The following PEAK1 variants were observed in gnomAD, a reference collection of about 807,000 sequenced individuals.
PEAK1 encodes inactive tyrosine-protein kinase PEAK1.
In PEAK1, 54 loss-of-function variants were observed where a neutral mutation model predicts 124.7. The observed-to-expected ratio is 0.43, with a 90% CI of 0.35 to 0.54. The LOEUF (loss-of-function observed/expected upper bound fraction) is 0.54. Among genes scored for constraint, PEAK1 ranks in the 20% least tolerant of loss-of-function variants. The pLI is 0.01. For missense variants in PEAK1, 2,046 were observed against 2,134.5 expected (o/e 0.96, Z 0.82); for synonymous variants, 719 against 760.0 (o/e 0.95, Z 0.89).
intron 6 of PEAK1, among the ~76,000 whole-genome samples, chr15:77,225,666 T>TATATATATATATATATA (rs1555448933): frequency 1.0e-4 from 9 of 87,980 alleles, no homozygotes; most frequent in Admixed American, 4.0e-4. Context: ...TGTGTATAAT[T>TATATATATATATATATA]TATATATATA....
intron 2 of PEAK1, among the ~76,000 whole-genome samples, chr15:77,320,729 A>G (rs1266642822): frequency 1.3e-5 from 2 of 152,166 alleles, no homozygotes; most frequent in African/African-American, 4.8e-5. Context: ...TTACATATGT[A>G]TACATGTGCC....
At chr15:77,199,047 C>T (rs12443386) in intron 6 of PEAK1, among the ~76,000 whole-genome samples, 49,195 of 151,990 alleles carry the variant, frequency 0.32, 8,638 homozygotes, top group East Asian at 0.63. Flanking sequence ...TAGGCTAACT[C>T]GACTGTTTTG....
intron 7 of PEAK1, chr15:77,178,286 T>C (rs2057009187): frequency 6.5e-6 from 1 of 153,172 alleles, no homozygotes; most frequent in East Asian, 1.9e-4. Flanking sequence ...CCACAACACT[T>C]GGAAGGAGGA....
chr15:77,286,704 G>A (rs943661799), intron 2 of PEAK1, among the ~76,000 whole-genome samples, 200 bp from the exon 3 acceptor site: 7 of 152,232 alleles, frequency 4.6e-5, no homozygotes, highest in African/African-American at 1.7e-4. Context: ...GGCTTAAGTA[G>A]CCAAAAAGTA....
chr15:77,212,596 T>C (rs1246708184), intron 6 of PEAK1, among the ~76,000 whole-genome samples: 1 of 152,216 alleles, frequency 6.6e-6, no homozygotes, highest in Non-Finnish European at 1.5e-5. Context: ...CAGAATTTGA[T>C]AAAGTTTTAT....
chr15:77,349,080 C>T, intron 2 of PEAK1: 2 of 825,674 alleles, frequency 2.4e-6, no homozygotes, highest in Non-Finnish European at 2.9e-6. Context: ...CACTCTGTCG[C>T]CCAGGCTAGA....
intron 2 of PEAK1, among the ~76,000 whole-genome samples, chr15:77,355,460 A>T (rs2067461412): frequency 6.6e-6 from 1 of 152,228 alleles, no homozygotes; most frequent in Non-Finnish European, 1.5e-5. Flanking sequence ...TTAGCAGAAG[A>T]GGAGCGACTT....
chr15:77,193,238 A>G (rs913369154), intron 6 of PEAK1, among the ~76,000 whole-genome samples: 1 of 152,250 alleles, frequency 6.6e-6, no homozygotes. Context: ...AAGATTACCT[A>G]TTCAGGATAC....
intron 1 of PEAK1, among the ~76,000 whole-genome samples, chr15:77,381,953 T>A (rs544152763): frequency 6.6e-6 from 1 of 152,376 alleles, no homozygotes; most frequent in East Asian, 1.9e-4. Flanking sequence ...TTTAAAATTC[T>A]AATGTCAGGG....
At chr15:77,241,228 A>G (rs2060343665) in intron 6 of PEAK1, among the ~76,000 whole-genome samples, 1 of 152,180 alleles carries the variant, frequency 6.6e-6, no homozygotes, top group Non-Finnish European at 1.5e-5. Flanking sequence ...CAGCTCAAAA[A>G]ATAAAATCCA....
chr15:77,357,271 GT>G, intron 2 of PEAK1, among the ~76,000 whole-genome samples: 1 of 152,172 alleles, frequency 6.6e-6, no homozygotes, highest in Non-Finnish European at 1.5e-5. Context: ...CACTGTTTTT[GT>G]TTTGTTTTCT....
rs1240309943 is a variant in PEAK1 at position 77,337,945 on chromosome 15, A to T, written c.-603+27218T>A. ...TAATTTGGGGGTGCTGATAGAAAAA[A>T]ATAATCTGAATTGGAAGTACCATCA... On this transcript the variant is annotated intron_variant, in intron 2 of 9. Transcript: ENST00000682557. 3.0e-6 allele frequency: 3 copies of T among 984,324 alleles called. No individual in the cohort carries two copies. In the African/African-American group the frequency reaches 5.2e-5, roughly 17 times the overall value. 61.0% of individuals were successfully genotyped at this position (984,324 alleles called of 1,614,324 possible).
chr15:77,343,881 G>C (rs899240078), intron 2 of PEAK1, among the ~76,000 whole-genome samples: 1 of 152,066 alleles, frequency 6.6e-6, no homozygotes, highest in Non-Finnish European at 1.5e-5. Flanking sequence ...AGGACTTTTA[G>C]TTTTAGCTTT....
chr15:77,240,571 G>C (rs948879831), intron 6 of PEAK1, among the ~76,000 whole-genome samples: 1 of 151,772 alleles, frequency 6.6e-6, no homozygotes. Context: ...CCGTGAGCCT[G>C]GGCAATAGAG....
In PEAK1 at chr15:77,179,992, C is replaced by T. The variant is rs746913864; in HGVS notation, c.1935G>A (p.Leu645=). The change falls in exon 7 of 10, where the codon CTG becomes CTA. Residue 645 remains leucine (L), a synonymous_variant. Coordinates refer to ENST00000682557, the MANE Select transcript of PEAK1 (RefSeq NM_001385026.1). ...YDNLAIYKSF[L]GTSGELSVKE... Reference sequence around the variant, plus strand: ...TCACTGAGAGTTCTCCACTTGTTCCCAGAAAACTTTTGTAGATAGCTAGAT... The same window carrying T: ...TCACTGAGAGTTCTCCACTTGTTCCTAGAAAACTTTTGTAGATAGCTAGAT... 4 of 1,614,008 alleles carry T rather than the reference C, an allele frequency of 2.5e-6. No homozygotes were observed. The East Asian group carries it at 8.9e-5, about 36-fold the overall frequency.
intron 8 of PEAK1, among the ~76,000 whole-genome samples, chr15:77,151,439 A>C (rs1261709949): frequency 6.6e-6 from 1 of 152,112 alleles, no homozygotes; most frequent in African/African-American, 2.4e-5. Context: ...GATTGCAAAA[A>C]TTTTCTCCCA....
intron 2 of PEAK1, chr15:77,351,068 T>G: frequency 2.4e-6 from 1 of 408,414 alleles, no homozygotes; most frequent in Non-Finnish European, 3.3e-6. Flanking sequence ...CAGAAGGCTT[T>G]GCTTACAGAC....
intron 1 of PEAK1, among the ~76,000 whole-genome samples, chr15:77,406,521 C>T (rs1206251754): frequency 1.3e-5 from 2 of 152,114 alleles, no homozygotes; most frequent in East Asian, 1.9e-4. Context: ...TAACTCAACC[C>T]CTTTTATAAT....
intron 1 of PEAK1, among the ~76,000 whole-genome samples, chr15:77,377,966 T>C (rs746910242): frequency 9.2e-5 from 14 of 152,116 alleles, no homozygotes; most frequent in Non-Finnish European, 1.8e-4. Flanking sequence ...AGCTTGGACA[T>C]GTAAAAACCA....
Sources: gnomAD v4.1 joint callset for allele counts (sites outside exome capture counted in the v4.1 genomes callset) on GRCh38, gnomAD v4.1.1 for gene constraint, MANE v1.5 for transcripts, NCBI Gene and HGNC (gene_info 2026-07-23, HGNC 2026-07-21) for gene names.